The following PFAS variants were observed in gnomAD, a reference collection of about 807,000 sequenced individuals.
The protein encoded by PFAS is phosphoribosylformylglycinamidine synthase, also known as FGAM synthase.
Under a neutral mutation model 140.6 loss-of-function variants are expected in PFAS, and 97 were observed. The observed-to-expected ratio is 0.69, with a 90% CI of 0.59 to 0.82. The LOEUF (loss-of-function observed/expected upper bound fraction) is 0.82. Among genes scored for constraint, PFAS ranks in the 40% least tolerant of loss-of-function variants. PFAS has a pLI of 0.00. For synonymous variants in PFAS, 679 were observed against 718.8 expected, an observed-to-expected ratio of 0.94 and a Z score of 0.88; for missense variants, 1,656 against 1,780.2, an observed-to-expected ratio of 0.93 and a Z score of 1.26.
In PFAS at chr17:8,268,846, G is replaced by A. The variant is rs756141418; in HGVS notation, c.3696G>A (p.Ala1232=). 1.1e-5 allele frequency: 17 copies of A among 1,608,892 alleles called. No homozygotes were observed. The highest frequency in any genetic ancestry group is 5.5e-5 in the South Asian group (5 of 91,058). ...MEGAVLPVWS[A]HGEGYVAFSS... Reference sequence around the variant, plus strand: ...GCGCCGTGCTGCCCGTGTGGAGTGCGCACGGGGAAGGTCAGGCCCAAGGAA... The same window carrying A: ...GCGCCGTGCTGCCCGTGTGGAGTGCACACGGGGAAGGTCAGGCCCAAGGAA... Residue 1232 remains alanine, a synonymous_variant, in exon 27 of 28, where the codon GCG becomes GCA. Coordinates refer to ENST00000314666, the MANE Select transcript of PFAS (RefSeq NM_012393.3).
At position 8,269,607 on chromosome 17, in the gene PFAS, T is replaced by G; in HGVS notation, c.*343T>G. On this transcript the variant is annotated 3_prime_UTR_variant, in exon 28 of 28. Coordinates refer to ENST00000314666, the MANE Select transcript of PFAS (RefSeq NM_012393.3). ...ACACCCAGTGATCACCGGTGTGCAATTGCCTCCTTGGCTCTGAGGGATGTT... is the reference window on the plus strand; with the variant it reads ...ACACCCAGTGATCACCGGTGTGCAAGTGCCTCCTTGGCTCTGAGGGATGTT... 2 of 233,520 alleles carry G rather than the reference T, an allele frequency of 8.6e-6. No homozygotes were observed. Among genetic ancestry groups the G allele is most frequent in the Non-Finnish European group, 1.7e-5 (2 of 118,688 alleles). 14.5% of individuals were successfully genotyped at this position (233,520 alleles called of 1,614,324 possible). A position where few individuals can be genotyped will look rare whatever the true frequency, so the allele number is the denominator to read the frequency against.
intron 11 of PFAS, among the ~76,000 whole-genome samples, chr17:8,259,143 CGTG>C (rs978261856): frequency 6.0e-5 from 9 of 149,272 alleles, no homozygotes; most frequent in South Asian, 2.1e-4. Context: ...AAAAAAAAGA[CGTG>C]GTAAATATGA....
rs1283121882 is a variant in PFAS at position 8,264,194 on chromosome 17, G to A, written c.1792-18G>A. On this transcript the variant is annotated intron_variant, in intron 15 of 27. Coordinates refer to ENST00000314666, the MANE Select transcript of PFAS (RefSeq NM_012393.3). The stretch of plus-strand genomic sequence containing the variant: ...TCATAGTCTCATCCCCTCTGGGTGG[G>A]GTCCCTGTGGTCTATAGATAGTGCT... The A allele has an allele frequency of 1.9e-6, 3 of 1,613,338 alleles. No individual in the cohort carries two copies. Among genetic ancestry groups the A allele is most frequent in the Non-Finnish European group, 2.5e-6 (3 of 1,179,504 alleles).
At position 8,253,992 on chromosome 17, in the gene PFAS, C is replaced by T. The variant is rs9891699; in HGVS notation, c.55C>T (p.Pro19Ser). ...TCCCTCTGGCCATGAGGGGGCAGCCCCTGGACACACTCGGAGGAAACTGCA... is the reference window on the plus strand; with the variant it reads ...TCCCTCTGGCCATGAGGGGGCAGCCTCTGGACACACTCGGAGGAAACTGCA... ...VRPSGHEGAA[P>S]GHTRRKLQGK... The change falls in exon 2 of 28, where the codon CCT (proline) becomes TCT (serine). Residue 19 changes from proline (P) to serine (S), a missense_variant. Pro to Ser is a moderately conservative substitution (Grantham distance 74). Transcript: ENST00000314666. The T allele has an allele frequency of 0.77, 1,245,222 of 1,613,700 alleles. 485,964 individuals carry two copies. The highest frequency in any genetic ancestry group is 0.8 in the Non-Finnish European group (945,893 of 1,179,846).
intron 20 of PFAS, 39 bp from the exon 21 acceptor site, chr17:8,265,823 G>C: frequency 1.3e-6 from 2 of 1,550,370 alleles, no homozygotes; most frequent in Non-Finnish European, 1.8e-6. Flanking sequence ...GGGTCCTCCT[G>C]AGCTGTTCCC....
intron 13 of PFAS, 138 bp downstream of exon 13, chr17:8,263,403 G>A: frequency 8.9e-7 from 1 of 1,119,878 alleles, no homozygotes; most frequent in South Asian, 1.4e-5. Flanking sequence ...TTCTAGACAG[G>A]TTCAGGGTTG....
At chr17:8,260,113 A>T (rs1047048463) in intron 11 of PFAS, among the ~76,000 whole-genome samples, 5 of 151,254 alleles carry the variant, frequency 3.3e-5, no homozygotes, top group South Asian at 2.1e-4. Flanking sequence ...AAAAAAAAAA[A>T]TTTTTTTTTA....
rs199987350 is a variant in PFAS, at chr17:8,267,201, C to T, written c.3141C>T (p.Pro1047=). The change falls in exon 24 of 28, where the codon CCC becomes CCT. Residue 1047 remains proline (P), a synonymous_variant. Coordinates refer to ENST00000314666, the MANE Select transcript of PFAS (RefSeq NM_012393.3). The surrounding 1 kb of genome is among the most constrained non-coding windows in gnomAD (Gnocchi z 4.9). ...TGGGGCCCAGCTATTGCCTGCCCCC[C>T]ACCTTTCCCAAAGCCTCCGTGCCCC... The part of the protein sequence containing the change: ...ERMGPSYCLP[P]TFPKASVPRE... 2 of 1,606,776 alleles carry T rather than the reference C, an allele frequency of 1.2e-6. No homozygotes were observed. The highest frequency in any genetic ancestry group is 8.5e-7 in the Non-Finnish European group (1 of 1,177,194).
At position 8,270,341 on chromosome 17, in the gene PFAS, T is replaced by G; in HGVS notation, c.*1077T>G. On this transcript the variant is annotated 3_prime_UTR_variant, in exon 28 of 28. Coordinates refer to ENST00000314666, the MANE Select transcript of PFAS (RefSeq NM_012393.3). The stretch of plus-strand genomic sequence containing the variant: ...TCAGGGAGTTTATGTGTAATAGAAT[T>G]AAAAATAATAGCTGTGTATAACACT... 1 of 152,188 alleles carries G rather than the reference T, an allele frequency of 6.6e-6. No homozygotes were observed. The allele number at this position is 152,188 out of a possible 1,614,324, so 9.4% of individuals were successfully genotyped here.
chr17:8,261,898 C>G (rs1218179904), intron 11 of PFAS, among the ~76,000 whole-genome samples: 2 of 151,972 alleles, frequency 1.3e-5, no homozygotes, highest in Admixed American at 1.3e-4. Context: ...GGTGAGTTCT[C>G]CCACAGTTTC....
intron 11 of PFAS, among the ~76,000 whole-genome samples, chr17:8,261,024 A>G (rs1373376871): frequency 6.6e-6 from 1 of 152,176 alleles, no homozygotes; most frequent in Non-Finnish European, 1.5e-5. Context: ...CAGCTTTTCA[A>G]AAAATTGCCA....
Position 8,263,187 on chromosome 17 carries a change from C to T in PFAS, c.1489C>T (p.Arg497Cys), listed in dbSNP as rs748884021. 5.0e-6 allele frequency: 8 copies of T among 1,613,772 alleles called. No individual in the cohort carries two copies. Among genetic ancestry groups the T allele is most frequent in the Admixed American group, 3.3e-5 (2 of 59,992 alleles). Reference protein sequence around the residue: ...GDPEMEQKMNRVIRACVEAPK... With the variant: ...GDPEMEQKMNCVIRACVEAPK... ...CCCGGAGATGGAACAGAAGATGAACCGTGTGATCAGGGCTTGTGTGGAGGC... is the reference window on the plus strand; with the variant it reads ...CCCGGAGATGGAACAGAAGATGAACTGTGTGATCAGGGCTTGTGTGGAGGC... Residue 497 changes from arginine to cysteine, a missense_variant, in exon 13 of 28, where the codon CGT becomes TGT. By Grantham distance (180) the Arg-to-Cys change is radical (BLOSUM62 -3). This residue lies in a region of PFAS where 773 missense variants were observed against 757.3 expected (regional missense o/e 1.02). Coordinates refer to ENST00000314666, the MANE Select transcript of PFAS (RefSeq NM_012393.3).
At chr17:8,268,019 TTATA>T (rs1179209636) in intron 26 of PFAS, among the ~76,000 whole-genome samples, 1 of 132,194 alleles carries the variant, frequency 7.6e-6, no homozygotes, top group Admixed American at 8.7e-5. Context: ...TATATATTAT[TTATA>T]TATTATTAAA....
At chr17:8,264,006 G>A (rs767622630) in intron 15 of PFAS, 70 bp downstream of exon 15, 18 of 1,561,206 alleles carry the variant, frequency 1.2e-5, no homozygotes, top group Admixed American at 3.3e-5. Flanking sequence ...GGGCTAGAGG[G>A]AGAGCTGTCA....
chr17:8,264,780 G>A, intron 17 of PFAS, 115 bp from the exon 18 acceptor site: 1 of 988,670 alleles, frequency 1.0e-6, no homozygotes. Flanking sequence ...TAGAGCTGTT[G>A]TCTGCATTGG....
At chr17:8,268,270 G>A (rs1989911017) in intron 26 of PFAS, among the ~76,000 whole-genome samples, 1 of 147,122 alleles carries the variant, frequency 6.8e-6, no homozygotes, top group African/African-American at 2.5e-5. Flanking sequence ...CTACTTGGGA[G>A]GCTGAGGCAG....
intron 1 of PFAS, among the ~76,000 whole-genome samples, chr17:8,250,965 C>CTT (rs59091857): frequency 2.0e-5 from 3 of 147,176 alleles, no homozygotes; most frequent in Non-Finnish European, 3.0e-5. Flanking sequence ...CTGTGGGAGT[C>CTT]TTTTTTTTTT....
Position 8,266,429 on chromosome 17 carries a change from G to C in PFAS, c.2821+76G>C. The C allele has an allele frequency of 1.3e-6, 2 of 1,589,324 alleles. No homozygotes were observed. Among genetic ancestry groups the C allele is most frequent in the Non-Finnish European group, 8.6e-7 (1 of 1,166,804 alleles). Reference sequence around the variant, plus strand: ...CAGACCCCATTTCCAATATATTAAAGAGTGGAGTGCCCTCCAGTCCCCTTT... The same window carrying C: ...CAGACCCCATTTCCAATATATTAAACAGTGGAGTGCCCTCCAGTCCCCTTT... On this transcript the variant is annotated intron_variant, in intron 22 of 27. Transcript: ENST00000314666. The surrounding 1 kb of genome is among the most constrained non-coding windows in gnomAD (Gnocchi z 5.0).
Position 8,266,353 on chromosome 17 carries a change from G to A in PFAS, c.2821G>A (p.Val941Ile). Residue 941 changes from valine (V) to isoleucine (I), a missense_variant and splice_region_variant, in exon 22 of 28, where the codon GTC becomes ATC. This residue lies in a region of PFAS where 883 missense variants were observed against 1,023.0 expected (regional missense o/e 0.86). Coordinates refer to ENST00000314666, the MANE Select transcript of PFAS (RefSeq NM_012393.3). The surrounding 1 kb of genome is among the most constrained non-coding windows in gnomAD (Gnocchi z 5.0). ...GGATGTGCCTGTCCCCAGGGTTGAT[G>A]GTAAGGAACCTGGGGTCTAGTCTCA... ...QVDVPVPRVDVLSVLFAEEPG... is the reference protein window; with the variant it reads ...QVDVPVPRVDILSVLFAEEPG... The A allele has an allele frequency of 6.2e-7, 1 of 1,613,970 alleles. No homozygotes were observed. Among genetic ancestry groups the A allele is most frequent in the South Asian group, 1.1e-5 (1 of 91,054 alleles).
Sources: allele counts gnomAD v4.1 joint callset (sites outside exome capture counted in the v4.1 genomes callset), GRCh38; gene constraint gnomAD v4.1.1; regional missense constraint gnomAD v4.1.1; non-coding constraint Gnocchi (gnomAD v3.1); transcripts MANE v1.5; gene names NCBI Gene and HGNC (gene_info 2026-07-23, HGNC 2026-07-21).